The following MYH9 variants were observed in gnomAD, a reference collection of about 807,000 sequenced individuals.
MYH9 encodes the protein myosin-9.
In MYH9, 29 loss-of-function variants were observed where a neutral mutation model predicts 241.9. The observed-to-expected ratio is 0.12, with a 90% CI of 0.09 to 0.16. The LOEUF (loss-of-function observed/expected upper bound fraction) is 0.16. Among genes scored for constraint, MYH9 ranks in the 10% least tolerant of loss-of-function variants. The pLI is 1.00. For missense variants in MYH9, 1,803 were observed against 2,595.5 expected, an observed-to-expected ratio of 0.69 and a Z score of 6.63; for synonymous variants, 1,047 against 1,062.6, an observed-to-expected ratio of 0.99 and a Z score of 0.29.
At chr22:36,301,434 TAGTAATAG>T in intron 21 of MYH9, 92 bp downstream of exon 21, 3 of 1,511,596 alleles carry the variant, frequency 2.0e-6, no homozygotes, top group Non-Finnish European at 2.7e-6. Context: ...AAAACTCCTA[TAGTAATAG>T]AAACTTCCAG....
At chr22:36,294,422 G>C (rs549272682) in intron 27 of MYH9, 124 bp from the exon 28 acceptor site, 2 of 1,035,996 alleles carry the variant, frequency 1.9e-6, no homozygotes, top group Admixed American at 2.0e-5. Flanking sequence ...GTGTGCCTGC[G>C]TCCTGGACTC....
chr22:36,308,683 G>A (rs373371797), intron 15 of MYH9: 5 of 377,432 alleles, frequency 1.3e-5, no homozygotes, highest in South Asian at 2.2e-4. Flanking sequence ...ATCAGGGAAC[G>A]GGGGTGTAAG....
At position 36,298,893 on chromosome 22, in the gene MYH9, T is replaced by C. The variant is rs550999637; in HGVS notation, c.3100+26A>G. ...GCCCTTGCCCGCCAGCCCCTGCCCATCACCTCCTGCTCGTCACCCCCTCAC... is the reference window on the plus strand; with the variant it reads ...GCCCTTGCCCGCCAGCCCCTGCCCACCACCTCCTGCTCGTCACCCCCTCAC... On this transcript the variant is annotated intron_variant, in intron 24 of 40. Transcript: ENST00000216181. The C allele has an allele frequency of 1.4e-4, 224 of 1,612,382 alleles. 1 individual carries two copies. In the South Asian group the frequency reaches 2.2e-3, roughly 16 times the overall value.
Position 36,293,892 on chromosome 22 carries a change from C to A in MYH9, c.3838-29G>T. The A allele has an allele frequency of 6.3e-7, 1 of 1,595,048 alleles. No individual in the cohort carries two copies. The highest frequency in any genetic ancestry group is 8.6e-7 in the Non-Finnish European group (1 of 1,167,368). ...CACCGGGCGGGGAGACACAAAGGAC[C>A]ATGGACCCACCCCCACTGCTCCTGC... On this transcript the variant is annotated intron_variant, in intron 28 of 40. Coordinates refer to ENST00000216181, the MANE Select transcript of MYH9 (RefSeq NM_002473.6). The surrounding 1 kb of genome is among the most constrained non-coding windows in gnomAD (Gnocchi z 5.1).
chr22:36,325,067 G>A (rs1307558381), intron 5 of MYH9: 1 of 773,938 alleles, frequency 1.3e-6, no homozygotes, highest in Admixed American at 1.7e-5. Context: ...ATTCAGAGAT[G>A]GAAAAGCACA....
At chr22:36,335,496 T>G (rs995168931) in intron 3 of MYH9, among the ~76,000 whole-genome samples, 6 of 152,208 alleles carry the variant, frequency 3.9e-5, no homozygotes. Flanking sequence ...CTTCCTCAGC[T>G]GCCTGTCCCG....
At chr22:36,331,778 G>A (rs2017424440) in intron 3 of MYH9, among the ~76,000 whole-genome samples, 1 of 152,214 alleles carries the variant, frequency 6.6e-6, no homozygotes, top group South Asian at 2.1e-4. Flanking sequence ...CTCCACCTGG[G>A]AGAGGTCCCT....
At chr22:36,312,301 C>G in intron 13 of MYH9, 79 bp from the exon 14 acceptor site, 1 of 1,441,030 alleles carries the variant, frequency 6.9e-7, no homozygotes, top group Non-Finnish European at 9.6e-7. Flanking sequence ...AAAGCCCGGA[C>G]ATCAGAATCC....
rs906998389 is a variant in MYH9 at position 36,282,379 on chromosome 22, G to T, written c.*289C>A. On this transcript the variant is annotated 3_prime_UTR_variant, in exon 41 of 41. Coordinates refer to ENST00000216181, the MANE Select transcript of MYH9 (RefSeq NM_002473.6). ...TCGCCTCAACATCTTGTGCTTTTTG[G>T]CAAGAGAGGGCTGAGGAGCCTGCTG... The T allele has an allele frequency of 3.5e-6, 2 of 569,506 alleles. No homozygotes were observed. Among genetic ancestry groups the T allele is most frequent in the Non-Finnish European group, 6.3e-6 (2 of 316,330 alleles). 35.3% of individuals were successfully genotyped at this position (569,506 alleles called of 1,614,324 possible). A position where few individuals can be genotyped will look rare whatever the true frequency, so the allele number is the denominator to read the frequency against.
At chr22:36,343,381 A>T (rs747770810) in intron 2 of MYH9, among the ~76,000 whole-genome samples, 6 of 151,992 alleles carry the variant, frequency 3.9e-5, no homozygotes, top group Non-Finnish European at 8.8e-5. Context: ...ACAAAAAATT[A>T]AAAAATTAAA....
chr22:36,353,194 C>A (rs2017799600), intron 1 of MYH9, among the ~76,000 whole-genome samples: 1 of 151,900 alleles, frequency 6.6e-6, no homozygotes, highest in African/African-American at 2.4e-5. Context: ...GTTAAACCAC[C>A]TTATCTATAA....
intron 2 of MYH9, among the ~76,000 whole-genome samples, chr22:36,348,606 C>T (rs1017380641): frequency 6.6e-6 from 1 of 152,050 alleles, no homozygotes; most frequent in Non-Finnish European, 1.5e-5. Context: ...AACTTGAGAA[C>T]GAAGGCCAGT....
intron 14 of MYH9, among the ~76,000 whole-genome samples, chr22:36,309,639 C>T (rs2017029280): frequency 6.6e-6 from 1 of 152,220 alleles, no homozygotes; most frequent in African/African-American, 2.4e-5. Flanking sequence ...ACAACGGGAG[C>T]CTGGCTCTAG....
chr22:36,373,283 C>T (rs1159494132), intron 1 of MYH9, among the ~76,000 whole-genome samples: 1 of 152,182 alleles, frequency 6.6e-6, no homozygotes, highest in African/African-American at 2.4e-5. Flanking sequence ...CCACTGCCAC[C>T]CTCGGTAGGG....
At chr22:36,301,811 C>A in intron 20 of MYH9, 146 bp from the exon 21 acceptor site, 1 of 1,081,178 alleles carries the variant, frequency 9.2e-7, no homozygotes, top group Non-Finnish European at 1.4e-6. Flanking sequence ...GCAGGCACAT[C>A]CTTCCTGGCG....
At position 36,321,741 on chromosome 22, in the gene MYH9, A is replaced by G; in HGVS notation, c.769+17T>C. 1.2e-6 allele frequency: 2 copies of G among 1,612,722 alleles called. No individual in the cohort carries two copies. The highest frequency in any genetic ancestry group is 1.7e-6 in the Non-Finnish European group (2 of 1,178,674). On this transcript the variant is annotated intron_variant, in intron 7 of 40. Coordinates refer to ENST00000216181, the MANE Select transcript of MYH9 (RefSeq NM_002473.6). ...CTCCGGATCCAGGACTCTTATCCCA[A>G]CGAACCACAAGGATACAAGTCTCAA...
intron 1 of MYH9, among the ~76,000 whole-genome samples, chr22:36,377,825 G>T (rs1386589130): frequency 6.6e-6 from 1 of 152,076 alleles, no homozygotes; most frequent in Non-Finnish European, 1.5e-5. Flanking sequence ...GCAGAAGAAT[G>T]GCGTGAACCC....
rs543180284 is a variant in MYH9 at position 36,339,998 on chromosome 22, A to G, written c.490+1372T>C. Among the ~76,000 whole-genome samples, 3 of 152,168 alleles carry G rather than the reference A, an allele frequency of 2.0e-5. No individual in the cohort carries two copies. In the East Asian group the frequency reaches 5.8e-4, roughly 29 times the overall value. On this transcript the variant is annotated intron_variant, in intron 3 of 40. Transcript: ENST00000216181. ...GCTTCAGTCATGTTTTTAAAAAAAG[A>G]ATAGGGATTTGCCAGGCATTGCAGG...
At chr22:36,301,105 C>T in intron 21 of MYH9, 48 bp from the exon 22 acceptor site, 1 of 1,561,196 alleles carries the variant, frequency 6.4e-7, no homozygotes, top group Non-Finnish European at 8.8e-7. Flanking sequence ...CACCCTCAAG[C>T]CACTCCATCC....
Sources: gnomAD v4.1 joint callset for allele counts (sites outside exome capture counted in the v4.1 genomes callset) on GRCh38, gnomAD v4.1.1 for gene constraint, Gnocchi (gnomAD v3.1) non-coding constraint, MANE v1.5 for transcripts, NCBI Gene and HGNC (gene_info 2026-07-23, HGNC 2026-07-21) for gene names.